Variants in RTF1 observed in about 807,000 individuals in gnomAD.
RTF1 encodes the protein RNA polymerase-associated protein RTF1 homolog.
RTF1 carries 10 observed loss-of-function variants against 95.7 expected under a neutral mutation model. That is an observed-to-expected ratio of 0.10 (90% CI 0.06 to 0.18). The LOEUF (loss-of-function observed/expected upper bound fraction) is 0.18. Among genes scored for constraint, RTF1 ranks in the 10% least tolerant of loss-of-function variants. The pLI, the probability that RTF1 is intolerant of heterozygous loss-of-function variation, is 1.00. For missense variants in RTF1, 458 were observed against 875.6 expected (o/e 0.52, Z 6.02); for synonymous variants, 305 against 311.8 (o/e 0.98, Z 0.23).
chr15:41,443,305 G>C (rs2050744947), intron 2 of RTF1, among the ~76,000 whole-genome samples: 1 of 152,084 alleles, frequency 6.6e-6, no homozygotes, highest in African/African-American at 2.4e-5. Context: ...CTTGGTGGGG[G>C]GAAACACCAA....
At chr15:41,424,830 G>A (rs535255613) in intron 1 of RTF1, among the ~76,000 whole-genome samples, 120 of 152,178 alleles carry the variant, frequency 7.9e-4, no homozygotes, top group African/African-American at 2.7e-3. Context: ...CCAACATGGC[G>A]AAACCCCATC....
At chr15:41,445,075 G>A (rs1210743717) in intron 2 of RTF1, among the ~76,000 whole-genome samples, 1 of 152,066 alleles carries the variant, frequency 6.6e-6, no homozygotes, top group Non-Finnish European at 1.5e-5. Flanking sequence ...GGGACTACAG[G>A]CGCCCACCAC....
In RTF1 at chr15:41,417,105, G is replaced by T. The variant is rs1665556057; in HGVS notation, c.-11G>T. 2.4e-6 allele frequency: 3 copies of T among 1,235,200 alleles called. No individual in the cohort carries two copies. Among genetic ancestry groups the T allele is most frequent in the Non-Finnish European group, 3.0e-6 (3 of 986,152 alleles). 76.5% of individuals were successfully genotyped at this position (1,235,200 alleles called of 1,614,324 possible). ...CAGGGGGCGGGGCCAGGGGGGCGGA[G>T]CGGAGCGCGCATGCGCGGTCGCCTT... On this transcript the variant is annotated 5_prime_UTR_variant, in exon 1 of 18. Transcript: ENST00000389629.
intron 1 of RTF1, among the ~76,000 whole-genome samples, chr15:41,429,129 C>G (rs1305556260): frequency 6.6e-6 from 1 of 152,070 alleles, no homozygotes; most frequent in Non-Finnish European, 1.5e-5. Context: ...GATCCTTCCT[C>G]CTACCTTGGC....
chr15:41,427,936 G>C (rs547475049), intron 1 of RTF1, among the ~76,000 whole-genome samples: 1 of 151,756 alleles, frequency 6.6e-6, no homozygotes, highest in Non-Finnish European at 1.5e-5. Context: ...ACAAGTGTCC[G>C]CCACCACACC....
At chr15:41,472,177 C>T (rs185130293) in intron 8 of RTF1, among the ~76,000 whole-genome samples, 40 of 145,254 alleles carry the variant, frequency 2.8e-4, no homozygotes, top group African/African-American at 9.7e-4. Flanking sequence ...CGTGAGCCAC[C>T]GCACCTGGCC....
intron 11 of RTF1, among the ~76,000 whole-genome samples, chr15:41,476,163 C>T (rs2050941041): frequency 6.6e-6 from 1 of 152,198 alleles, no homozygotes; most frequent in South Asian, 2.1e-4. Context: ...ATTATTTGAT[C>T]TCTGTTCTCT....
intron 4 of RTF1, among the ~76,000 whole-genome samples, chr15:41,458,270 C>T (rs1346268104): frequency 2.6e-5 from 4 of 152,118 alleles, no homozygotes; most frequent in Non-Finnish European, 5.9e-5. Context: ...TTCTTAGTGC[C>T]TAGAACAGTA....
At chr15:41,446,106 C>T (rs753617531) in intron 2 of RTF1, among the ~76,000 whole-genome samples, 2 of 152,076 alleles carry the variant, frequency 1.3e-5, no homozygotes, top group Non-Finnish European at 2.9e-5. Flanking sequence ...CTCTCAAACA[C>T]ATCTTTTTTG....
Position 41,478,636 on chromosome 15 carries a change from A to G in RTF1, c.1818+11A>G, listed in dbSNP as rs2050954419. The G allele has an allele frequency of 6.2e-7, 1 of 1,607,220 alleles. No homozygotes were observed. On this transcript the variant is annotated intron_variant, in intron 15 of 17. Coordinates refer to ENST00000389629, the MANE Select transcript of RTF1 (RefSeq NM_015138.5). ...ACCATCGTTTCTAATGTGAGTGCTG[A>G]AAGAGGACATTTTAGTCAGGACCTA...
In RTF1 at chr15:41,480,883, C is replaced by T; in HGVS notation, c.*196C>T. ...CTGCACACCATCTCCCACCAGCCTC[C>T]CCTCCCCCAGGGCCCCACCCAGTGT... On this transcript the variant is annotated 3_prime_UTR_variant, in exon 18 of 18. Transcript: ENST00000389629. The T allele has an allele frequency of 5.1e-6, 3 of 584,012 alleles. No individual in the cohort carries two copies. Among genetic ancestry groups the T allele is most frequent in the South Asian group, 4.1e-5 (2 of 48,322 alleles). 36.2% of individuals were successfully genotyped at this position (584,012 alleles called of 1,614,324 possible). A position where few individuals can be genotyped will look rare whatever the true frequency, so the allele number is the denominator to read the frequency against.
At chr15:41,434,816 A>G (rs1006185087) in intron 1 of RTF1, among the ~76,000 whole-genome samples, 2 of 151,456 alleles carry the variant, frequency 1.3e-5, no homozygotes, top group African/African-American at 2.4e-5. Context: ...TTTAGTAGAG[A>G]CGGAGTTTCA....
chr15:41,459,371 G>T (rs961347020), intron 4 of RTF1, among the ~76,000 whole-genome samples: 4 of 151,874 alleles, frequency 2.6e-5, no homozygotes, highest in Non-Finnish European at 5.9e-5. Context: ...GTGAGACCCT[G>T]TGTCAAAAAA....
Position 41,480,732 on chromosome 15 carries a change from C to T in RTF1, c.*45C>T, listed in dbSNP as rs759342389. On this transcript the variant is annotated 3_prime_UTR_variant, in exon 18 of 18. Transcript: ENST00000389629. ...TCTGACCCTGCATGCCCCATCGCAG[C>T]GTCCCACCTTTCCTCCTTTCCTTTG... The T allele has an allele frequency of 6.7e-6, 9 of 1,347,190 alleles. No individual in the cohort carries two copies. Among genetic ancestry groups the T allele is most frequent in the African/African-American group, 1.4e-5 (1 of 69,662 alleles). The allele number at this position is 1,347,190 out of a possible 1,614,324, so 83.5% of individuals were successfully genotyped here. A position where few individuals can be genotyped will look rare whatever the true frequency, so the allele number is the denominator to read the frequency against.
At chr15:41,462,227 T>C (rs1595436383) in intron 4 of RTF1, among the ~76,000 whole-genome samples, 2 of 152,316 alleles carry the variant, frequency 1.3e-5, no homozygotes, top group East Asian at 3.9e-4. Context: ...AAAAGCTCTT[T>C]ATATGGATTG....
intron 4 of RTF1, among the ~76,000 whole-genome samples, chr15:41,463,629 G>A (rs1240433798): frequency 6.6e-6 from 1 of 151,946 alleles, no homozygotes; most frequent in African/African-American, 2.4e-5. Flanking sequence ...CTACAAGCAT[G>A]TACCACCATG....
At chr15:41,453,128 A>AG (rs146922868) in intron 3 of RTF1, 80 bp downstream of exon 3, 4 of 1,252,118 alleles carry the variant, frequency 3.2e-6, no homozygotes, top group East Asian at 2.5e-5. Context: ...GTGGGGAGGA[A>AG]GGGGGGTACT....
At chr15:41,471,134 G>A in intron 7 of RTF1, 38 bp from the exon 8 acceptor site, 3 of 1,549,514 alleles carry the variant, frequency 1.9e-6, no homozygotes, top group Non-Finnish European at 2.6e-6. Flanking sequence ...CTGTTTTTAT[G>A]ATGAACATTT....
At chr15:41,444,403 C>T (rs1048531992) in intron 2 of RTF1, among the ~76,000 whole-genome samples, 5 of 151,892 alleles carry the variant, frequency 3.3e-5, no homozygotes, top group African/African-American at 1.2e-4. Context: ...AAGAGATTCT[C>T]CTGCCTCAGC....
Sources: allele counts gnomAD v4.1 joint callset (sites outside exome capture counted in the v4.1 genomes callset), GRCh38; gene constraint gnomAD v4.1.1; transcripts MANE v1.5; gene names NCBI Gene and HGNC (gene_info 2026-07-23, HGNC 2026-07-21).